DDX60: variants seen among roughly 807,000 people sequenced by gnomAD.
DDX60 encodes the protein DExD/H-box helicase 60.
In DDX60, 165 loss-of-function variants were observed where a neutral mutation model predicts 212.8. That is an observed-to-expected ratio of 0.78 (90% CI 0.68 to 0.88). The LOEUF is 0.88. Ranked by LOEUF, DDX60 falls within the 40% of genes least tolerant of loss-of-function variation. The pLI, the probability that DDX60 is intolerant of heterozygous loss-of-function variation, is 0.00. For missense variants in DDX60, 1,905 were observed against 2,003.9 expected (o/e 0.95, Z 0.94); for synonymous variants, 703 against 685.3 (o/e 1.03, Z -0.40).
At chr4:168,301,034 A>T (rs587674) in intron 6 of DDX60, among the ~76,000 whole-genome samples, 1 of 152,212 alleles carries the variant, frequency 6.6e-6, no homozygotes, top group Admixed American at 6.5e-5. Flanking sequence ...ACCAAACTTC[A>T]ACATTATGCA....
intron 37 of DDX60, among the ~76,000 whole-genome samples, chr4:168,217,453 C>T (rs1247910973): frequency 6.6e-6 from 1 of 152,048 alleles, no homozygotes; most frequent in South Asian, 2.1e-4. Context: ...GCTTTCTTTA[C>T]CTAGATGTGT....
chr4:168,308,250 A>G (rs975371101), intron 3 of DDX60, 55 bp from the exon 4 acceptor site: 49 of 1,075,638 alleles, frequency 4.6e-5, no homozygotes, highest in Non-Finnish European at 5.9e-5. Context: ...TCATGTTCCA[A>G]AAAGGCATCG....
chr4:168,220,464 T>C, intron 37 of DDX60, 191 bp downstream of exon 37: 1 of 439,446 alleles, frequency 2.3e-6, no homozygotes, highest in Non-Finnish European at 4.1e-6. Flanking sequence ...TTGGAATTAA[T>C]TCTGTTATAG....
intron 30 of DDX60, among the ~76,000 whole-genome samples, chr4:168,244,168 T>C (rs1177389949): frequency 6.6e-6 from 1 of 152,138 alleles, no homozygotes; most frequent in African/African-American, 2.4e-5. Context: ...ACTTTGGTGA[T>C]GGGTTGATAG....
intron 27 of DDX60, among the ~76,000 whole-genome samples, chr4:168,252,279 A>C (rs1185751991): frequency 6.6e-6 from 1 of 152,218 alleles, no homozygotes; most frequent in Admixed American, 6.5e-5. Context: ...AGGGAATTTG[A>C]CCTAGGAGAC....
At position 168,311,306 on chromosome 4, in the gene DDX60, G is replaced by A. The variant is rs1224172013; in HGVS notation, c.-47C>T. 1.2e-6 allele frequency: 2 copies of A among 1,609,414 alleles called. No homozygotes were observed. The highest frequency in any genetic ancestry group is 1.7e-6 in the Non-Finnish European group (2 of 1,177,572). ...CAACCTGAACTGGCAAGTATTAAAG[G>A]TAGCAAATACCCTTTATTTTGGTAC... is the stretch of plus-strand genomic sequence containing the variant. On this transcript the variant is annotated 5_prime_UTR_variant, in exon 2 of 38. Coordinates refer to ENST00000393743, the MANE Select transcript of DDX60 (RefSeq NM_017631.6).
intron 28 of DDX60, among the ~76,000 whole-genome samples, chr4:168,250,269 C>A (rs763571097): frequency 1.5e-4 from 23 of 152,130 alleles, no homozygotes; most frequent in Non-Finnish European, 2.8e-4. Flanking sequence ...AGGCCTTGTG[C>A]AGTGGCTAAC....
intron 28 of DDX60, among the ~76,000 whole-genome samples, chr4:168,249,812 AT>A (rs923604430): frequency 1.1e-4 from 17 of 150,054 alleles, no homozygotes; most frequent in South Asian, 4.2e-4. Context: ...GCTACATCTT[AT>A]TTTTTTTTTC....
chr4:168,277,824 A>G (rs561025053), intron 14 of DDX60, among the ~76,000 whole-genome samples: 2,829 of 126,244 alleles, frequency 0.022, 72 homozygotes, highest in African/African-American at 0.081. Context: ...AAAAAAAAGA[A>G]AAAAAAAAAA....
chr4:168,293,744 T>TGGAGAGAAATA, intron 7 of DDX60, 43 bp downstream of exon 7: 1 of 1,478,250 alleles, frequency 6.8e-7, no homozygotes, highest in Non-Finnish European at 9.1e-7. Context: ...ATTTCAAATG[T>TGGAGAGAAATA]GGAGAGAAAT....
intron 10 of DDX60, among the ~76,000 whole-genome samples, chr4:168,285,928 G>C: frequency 7.5e-6 from 1 of 133,440 alleles, no homozygotes; most frequent in Non-Finnish European, 1.6e-5. Flanking sequence ...AGGAAGGAAG[G>C]AAGGAAGGAA....
In DDX60 at chr4:168,275,354, G is replaced by A. The variant is rs1379285763; in HGVS notation, c.2295C>T (p.Asp765=). Residue 765 remains aspartate (D), a synonymous_variant, in exon 16 of 38, where the codon GAC becomes GAT. Coordinates refer to ENST00000393743, the MANE Select transcript of DDX60 (RefSeq NM_017631.6). ...TCATTTGCAGTATTACCTGCCATGT[G>A]TCGGGAATAAAATCCTGGACCCTGG... ...PDPRVQDFIP[D]TWQRELLDVV... 1.2e-6 allele frequency: 2 copies of A among 1,605,758 alleles called. No individual in the cohort carries two copies. The highest frequency in any genetic ancestry group is 2.7e-5 in the African/African-American group (2 of 74,670).
At position 168,274,033 on chromosome 4, in the gene DDX60, G is replaced by A; in HGVS notation, c.2355C>T (p.Ala785=). ...VDKNESAVIV[A]PTSSGKTYAS... is the part of the protein sequence containing the mutation. Reference sequence around the variant, plus strand: ...CATAGGTTTTGCCTGAGGACGTTGGGGCAACAATCACTGCTGACTCATTCT... The same window carrying A: ...CATAGGTTTTGCCTGAGGACGTTGGAGCAACAATCACTGCTGACTCATTCT... Residue 785 remains alanine, a synonymous_variant, in exon 17 of 38, where the codon GCC becomes GCT. Coordinates refer to ENST00000393743, the MANE Select transcript of DDX60 (RefSeq NM_017631.6). 2 of 1,614,150 alleles carry A rather than the reference G, an allele frequency of 1.2e-6. No homozygotes were observed. Among genetic ancestry groups the A allele is most frequent in the Non-Finnish European group, 1.7e-6 (2 of 1,180,014 alleles).
chr4:168,318,801 G>A (rs1737524441), upstream of DDX60: 1 of 152,276 alleles, frequency 6.6e-6, no homozygotes, highest in African/African-American at 2.4e-5. Flanking sequence ...GGGAGTTTCG[G>A]TTTCCTTTCT....
At chr4:168,258,858 T>G (rs1019768107) in intron 25 of DDX60, among the ~76,000 whole-genome samples, 4 of 152,118 alleles carry the variant, frequency 2.6e-5, no homozygotes, top group Non-Finnish European at 4.4e-5. Flanking sequence ...AAAAATATGT[T>G]TTCATACCCG....
At chr4:168,246,681 GAA>G in intron 29 of DDX60, 63 bp from the exon 30 acceptor site, 1 of 1,542,276 alleles carries the variant, frequency 6.5e-7, no homozygotes, top group Non-Finnish European at 8.9e-7. Context: ...CATAGTGTAA[GAA>G]TGAGCCCTTT....
chr4:168,247,165 T>G (rs1734051996), intron 29 of DDX60, among the ~76,000 whole-genome samples: 2 of 152,234 alleles, frequency 1.3e-5, no homozygotes, highest in Admixed American at 1.3e-4. Flanking sequence ...TAACTCTTAT[T>G]TATTAAGTGC....
At chr4:168,316,511 C>G (rs1737385893) in intron 1 of DDX60, among the ~76,000 whole-genome samples, 1 of 152,034 alleles carries the variant, frequency 6.6e-6, no homozygotes, top group African/African-American at 2.4e-5. Context: ...GCAATAGCAT[C>G]TGAAGACAAT....
chr4:168,283,350 C>T (rs502923), intron 13 of DDX60, 96 bp downstream of exon 13: 17,604 of 994,394 alleles, frequency 0.018, 357 homozygotes, highest in African/African-American at 0.084. Flanking sequence ...CAAGAAAAGG[C>T]ATTATATAAA....
Sources: allele counts gnomAD v4.1 joint callset (sites outside exome capture counted in the v4.1 genomes callset), GRCh38; gene constraint gnomAD v4.1.1; transcripts MANE v1.5; gene names NCBI Gene and HGNC (gene_info 2026-07-23, HGNC 2026-07-21).